ASTN2: variants seen among roughly 807,000 people sequenced by gnomAD.
The protein encoded by ASTN2 is astrotactin 2.
A neutral mutation model predicts 139.8 loss-of-function variants in ASTN2; 54 were observed. The observed-to-expected ratio is 0.39, with a 90% CI of 0.31 to 0.48. The LOEUF (loss-of-function observed/expected upper bound fraction) is 0.48. ASTN2 is among the 20% of genes least tolerant of loss of function. The pLI, the probability that ASTN2 is intolerant of heterozygous loss-of-function variation, is 0.95. For missense variants in ASTN2, 1,565 were observed against 1,725.1 expected (o/e 0.91, Z 1.64); for synonymous variants, 756 against 719.5 (o/e 1.05, Z -0.81).
At position 116,789,920 on chromosome 9, in the gene ASTN2, C is replaced by CTTTTT. The variant is rs57433960; in HGVS notation, c.2396+15707_2396+15711dup. 7.2e-3 allele frequency among the ~76,000 whole-genome samples: 668 copies of CTTTTT among 93,276 alleles called. 21 individuals are homozygous for CTTTTT. The highest frequency in any genetic ancestry group is 0.025 in the African/African-American group (605 of 23,758). 61.2% of individuals were successfully genotyped at this position (93,276 alleles called of 152,430 possible). On this transcript the variant is annotated intron_variant, in intron 13 of 22. Coordinates refer to ENST00000313400, the MANE Select transcript of ASTN2 (RefSeq NM_001365068.1). ...ATCTTAACCTGACTTTTCTCTTTCTCTTTTTTTTTTTTTTTTTTTTTTTGA... is the reference window on the plus strand; with the variant it reads ...ATCTTAACCTGACTTTTCTCTTTCTCTTTTTTTTTTTTTTTTTTTTTTTTTTTTGA...
intron 19 of ASTN2, chr9:116,584,164 A>G (rs968660820): frequency 6.6e-6 from 1 of 152,220 alleles, no homozygotes; most frequent in African/African-American, 2.4e-5. Flanking sequence ...GAGCTAGGAG[A>G]GAATGGGTGG....
chr9:117,301,733 T>C (rs1834880490), intron 1 of ASTN2, among the ~76,000 whole-genome samples: 1 of 152,142 alleles, frequency 6.6e-6, no homozygotes, highest in African/African-American at 2.4e-5. Flanking sequence ...GTAAAGTCCT[T>C]TGTTTCCTCT....
intron 2 of ASTN2, among the ~76,000 whole-genome samples, chr9:117,265,879 T>C (rs929792035): frequency 6.6e-6 from 1 of 152,080 alleles, no homozygotes; most frequent in East Asian, 1.9e-4. Flanking sequence ...CCTTAGGCCA[T>C]AAAGAATAGT....
chr9:116,667,895 G>C (rs1468952027), intron 16 of ASTN2, among the ~76,000 whole-genome samples: 1 of 125,308 alleles, frequency 8.0e-6, no homozygotes. Flanking sequence ...TGTTACAACT[G>C]ATGAACGTAC....
chr9:117,397,917 G>C (rs1052470707), intron 1 of ASTN2, among the ~76,000 whole-genome samples: 2 of 152,174 alleles, frequency 1.3e-5, no homozygotes, highest in African/African-American at 4.8e-5. Flanking sequence ...CCCCCGACAG[G>C]TTGTAATAAC....
At chr9:117,323,997 T>G (rs927827441) in intron 1 of ASTN2, among the ~76,000 whole-genome samples, 2 of 152,084 alleles carry the variant, frequency 1.3e-5, no homozygotes. Flanking sequence ...ACATATGTAG[T>G]CAGTCATGTG....
At chr9:117,207,028 C>T (rs977011841) in intron 3 of ASTN2, among the ~76,000 whole-genome samples, 2 of 152,012 alleles carry the variant, frequency 1.3e-5, no homozygotes, top group Admixed American at 1.3e-4. Flanking sequence ...CAGCCCATGT[C>T]CTGAACCTGA....
rs1834830834 is a variant in ASTN2 at position 117,299,762 on chromosome 9, GA to G, written c.443-8250del. Among the ~76,000 whole-genome samples the G allele has an allele frequency of 2.0e-5, 3 of 152,178 alleles. No homozygotes were observed. In the South Asian group the frequency reaches 6.2e-4, roughly 32 times the overall value. On this transcript the variant is annotated intron_variant, in intron 1 of 22. Transcript: ENST00000313400. ...GTTAATAAAGCTCTCCATATATCAT[GA>G]ATTAAGATGACAAGGTGGATGGACT...
At chr9:116,534,695 G>T (rs1458211296) in intron 19 of ASTN2, among the ~76,000 whole-genome samples, 4 of 152,044 alleles carry the variant, frequency 2.6e-5, no homozygotes, top group African/African-American at 7.2e-5. Context: ...TAATCCTGAG[G>T]TCTAGTTTGA....
intron 13 of ASTN2, among the ~76,000 whole-genome samples, chr9:116,763,668 C>A (rs1829733251): frequency 6.6e-6 from 1 of 152,140 alleles, no homozygotes; most frequent in Non-Finnish European, 1.5e-5. Flanking sequence ...AGGGTAAGGT[C>A]TTTTACCTCT....
chr9:116,956,351 G>A (rs1470021931), intron 10 of ASTN2, among the ~76,000 whole-genome samples: 5 of 148,862 alleles, frequency 3.4e-5, no homozygotes, highest in South Asian at 2.1e-4. Context: ...CACCTGCCTC[G>A]GCCTCCCAAA....
At chr9:116,493,244 C>T (rs540967578) in intron 19 of ASTN2, among the ~76,000 whole-genome samples, 39 of 152,304 alleles carry the variant, frequency 2.6e-4, no homozygotes, top group Admixed American at 1.4e-3. Flanking sequence ...GCTCCGTCCT[C>T]CCTGGTACCT....
intron 11 of ASTN2, among the ~76,000 whole-genome samples, chr9:116,840,527 C>T (rs1222696481): frequency 8.2e-6 from 1 of 121,496 alleles, no homozygotes; most frequent in African/African-American, 3.6e-5. Context: ...CACCTCCCTC[C>T]TGGACGGGGC....
At position 116,998,565 on chromosome 9, in the gene ASTN2, CCATCCATA is replaced by C. The variant is rs1177357215; in HGVS notation, c.1591+9519_1591+9526del. 5.8e-4 allele frequency among the ~76,000 whole-genome samples: 88 copies of C among 152,096 alleles called. 1 individual carries two copies. The highest frequency in any genetic ancestry group is 5.4e-3 in the East Asian group (28 of 5,166). ...ATTTGATTTTCATCCATCCATCCAT[CCATCCATA>C]CATCCATCCATACATCCATGCATCC... is the stretch of plus-strand genomic sequence containing the variant. On this transcript the variant is annotated intron_variant, in intron 7 of 22. Transcript: ENST00000313400.
chr9:117,386,710 G>A (rs1479071259), intron 1 of ASTN2, among the ~76,000 whole-genome samples: 1 of 152,206 alleles, frequency 6.6e-6, no homozygotes, highest in East Asian at 1.9e-4. Flanking sequence ...AGGGCAGAGT[G>A]CATGCCACTC....
chr9:117,304,887 G>T (rs1446829832), intron 1 of ASTN2, among the ~76,000 whole-genome samples: 1 of 152,210 alleles, frequency 6.6e-6, no homozygotes, highest in Non-Finnish European at 1.5e-5. Context: ...TGAGGGTGGG[G>T]AGGAGGGAAC....
intron 10 of ASTN2, among the ~76,000 whole-genome samples, chr9:116,970,732 C>G (rs1289015571): frequency 6.6e-6 from 1 of 152,140 alleles, no homozygotes; most frequent in Non-Finnish European, 1.5e-5. Flanking sequence ...GTGAGCCATG[C>G]CAGCTTGCAC....
chr9:116,465,410 G>A (rs1433602379), intron 20 of ASTN2, among the ~76,000 whole-genome samples: 2 of 152,168 alleles, frequency 1.3e-5, no homozygotes, highest in African/African-American at 4.8e-5. Context: ...ATAAGACCTC[G>A]CCACGGCTGG....
At chr9:117,363,004 C>A (rs1461985684) in intron 1 of ASTN2, among the ~76,000 whole-genome samples, 1 of 152,144 alleles carries the variant, frequency 6.6e-6, no homozygotes, top group Admixed American at 6.6e-5. Context: ...TTTCAATATC[C>A]AAACCAAATT....
Sources: allele counts gnomAD v4.1 joint callset (sites outside exome capture counted in the v4.1 genomes callset), GRCh38; gene constraint gnomAD v4.1.1; transcripts MANE v1.5; gene names NCBI Gene and HGNC (gene_info 2026-07-23, HGNC 2026-07-21).